The following MAGI1 variants were observed in gnomAD, a reference collection of about 807,000 sequenced individuals.
MAGI1 encodes membrane associated guanylate kinase, WW and PDZ domain containing 1.
In MAGI1, 58 loss-of-function variants were observed where a neutral mutation model predicts 139.9. That is an observed-to-expected ratio of 0.41 (90% confidence interval 0.34 to 0.52). The LOEUF (loss-of-function observed/expected upper bound fraction) is 0.52. MAGI1 is among the 20% of genes least tolerant of loss of function. The pLI is 0.12. For missense variants in MAGI1, 1,874 were observed against 1,901.6 expected (o/e 0.99, Z 0.27); for synonymous variants, 812 against 737.9 (o/e 1.10, Z -1.63).
chr3:65,429,660 C>T lies in MAGI1; in HGVS notation c.2027G>A (p.Arg676Lys), dbSNP rs1188831138. The T allele has an allele frequency of 1.2e-6, 2 of 1,613,906 alleles. No individual in the cohort carries two copies. Among genetic ancestry groups the T allele is most frequent in the Non-Finnish European group, 1.7e-6 (2 of 1,179,952 alleles). The change falls in exon 12 of 23, where the codon AGG (arginine) becomes AAG (lysine). Residue 676 changes from arginine (R) to lysine (K), a missense_variant. Arg to Lys is a conservative substitution (Grantham distance 26). This residue lies in a region of MAGI1 where 482 missense variants were observed against 509.6 expected (regional missense o/e 0.95). Coordinates refer to ENST00000402939, the MANE Select transcript of MAGI1 (RefSeq NM_001033057.2). ...QRVKQIVDSP[R>K]CRGLKEGDLI... ...ATCCCCTTCTTTCAGGCCTCGGCAC[C>T]TTGGGCTGTCAACAATCTGTTTCAC...
intron 2 of MAGI1, among the ~76,000 whole-genome samples, chr3:65,544,928 T>A (rs920417862): frequency 6.6e-6 from 1 of 152,234 alleles, no homozygotes; most frequent in Non-Finnish European, 1.5e-5. Context: ...AACAGCCACA[T>A]GCATGTTACC....
chr3:65,765,350 G>T (rs918722601), intron 1 of MAGI1, among the ~76,000 whole-genome samples: 1 of 152,166 alleles, frequency 6.6e-6, no homozygotes, highest in Non-Finnish European at 1.5e-5. Context: ...TTGAGGTAAG[G>T]CCAAGCATTT....
At chr3:65,510,423 G>GTA (rs1210814557) in intron 2 of MAGI1, among the ~76,000 whole-genome samples, 1 of 148,498 alleles carries the variant, frequency 6.7e-6, no homozygotes, top group African/African-American at 2.5e-5. Context: ...TTAGAAGAAT[G>GTA]TATAACTAGA....
chr3:65,533,323 T>A (rs2078804294), intron 2 of MAGI1, among the ~76,000 whole-genome samples: 2 of 152,178 alleles, frequency 1.3e-5, no homozygotes, highest in South Asian at 4.1e-4. Flanking sequence ...CCCAGGGGCT[T>A]CATAGTAACA....
chr3:65,405,964 G>A (rs184466092), intron 12 of MAGI1, among the ~76,000 whole-genome samples: 15 of 152,228 alleles, frequency 9.9e-5, no homozygotes, highest in Admixed American at 9.8e-4. Context: ...CTGACCTCAT[G>A]ATCCACCCAC....
chr3:65,775,258 C>A (rs2038281189), intron 1 of MAGI1, among the ~76,000 whole-genome samples: 1 of 151,128 alleles, frequency 6.6e-6, no homozygotes, highest in African/African-American at 2.4e-5. Flanking sequence ...CCAGCCTGGG[C>A]AACATGGCAA....
At chr3:65,611,885 T>G (rs1242757209) in intron 2 of MAGI1, among the ~76,000 whole-genome samples, 1 of 151,854 alleles carries the variant, frequency 6.6e-6, no homozygotes, top group East Asian at 1.9e-4. Context: ...CTCAGTTTCC[T>G]CATCAGTGAA....
At chr3:65,504,542 G>A (rs1264461523) in intron 2 of MAGI1, among the ~76,000 whole-genome samples, 1 of 152,160 alleles carries the variant, frequency 6.6e-6, no homozygotes, top group Non-Finnish European at 1.5e-5. Flanking sequence ...TGTACACAAA[G>A]AAGACATTGG....
Position 65,457,862 on chromosome 3 carries a change from C to A in MAGI1, c.960-4522G>T, listed in dbSNP as rs564894452. ...ATTACATTATTATTGACTACAGTCA[C>A]CCTGCTGTGCTATCAAATACTAAAT... On this transcript the variant is annotated intron_variant, in intron 5 of 22. Coordinates refer to ENST00000402939, the MANE Select transcript of MAGI1 (RefSeq NM_001033057.2). 3.1e-4 allele frequency among the ~76,000 whole-genome samples: 47 copies of A among 152,178 alleles called. No homozygotes were observed. In the South Asian group the frequency reaches 9.7e-3, roughly 32 times the overall value.
At chr3:65,798,253 G>A (rs1466755819) in intron 1 of MAGI1, among the ~76,000 whole-genome samples, 1 of 150,796 alleles carries the variant, frequency 6.6e-6, no homozygotes. Flanking sequence ...GCCGTGAGCC[G>A]AGATCACACC....
intron 15 of MAGI1, among the ~76,000 whole-genome samples, chr3:65,382,287 C>A (rs1291776178): frequency 6.6e-6 from 1 of 152,268 alleles, no homozygotes; most frequent in Non-Finnish European, 1.5e-5. Context: ...AGATGTTTAT[C>A]TGTGGCCTAT....
At chr3:65,925,087 T>C (rs991908204) in intron 1 of MAGI1, 6 of 152,160 alleles carry the variant, frequency 3.9e-5, no homozygotes, top group Non-Finnish European at 7.4e-5. Context: ...TGGGATACAC[T>C]GCTCCATGAC....
At chr3:65,498,213 T>C (rs541963952) in intron 2 of MAGI1, among the ~76,000 whole-genome samples, 4 of 151,874 alleles carry the variant, frequency 2.6e-5, no homozygotes, top group Admixed American at 1.3e-4. Flanking sequence ...GCCAGAAGGG[T>C]TACTTCCTGA....
intron 21 of MAGI1, among the ~76,000 whole-genome samples, chr3:65,361,978 T>C (rs1940906566): frequency 1.3e-5 from 2 of 152,232 alleles, no homozygotes; most frequent in South Asian, 4.1e-4. Flanking sequence ...GCATTCACTT[T>C]GTGTCAGCCA....
At position 65,493,523 on chromosome 3, in the gene MAGI1, C is replaced by A; in HGVS notation, c.539G>T (p.Gly180Val). Reference protein sequence around the residue: ...LEQSGTLLEVGTYEGNYYGTP... With the variant: ...LEQSGTLLEVVTYEGNYYGTP... ...TACAAGTAACTCACCTTCATAGGTG[C>A]CGACTTCCAGAAGAGTCCCACTCTG... Residue 180 changes from glycine (G) to valine (V), a missense_variant, in exon 3 of 23, where the codon GGC (glycine) becomes GTC (valine). Gly to Val is a moderately radical substitution (Grantham distance 109). Transcript: ENST00000402939. The A allele has an allele frequency of 6.2e-7, 1 of 1,614,162 alleles. No individual in the cohort carries two copies. The highest frequency in any genetic ancestry group is 8.5e-7 in the Non-Finnish European group (1 of 1,180,030).
chr3:65,979,315 G>A (rs992484573), intron 1 of MAGI1, among the ~76,000 whole-genome samples: 1 of 152,074 alleles, frequency 6.6e-6, no homozygotes, highest in Non-Finnish European at 1.5e-5. Flanking sequence ...GTAGCCTGTT[G>A]CTTAATCAAA....
chr3:65,932,810 C>T (rs1288857851), intron 1 of MAGI1, among the ~76,000 whole-genome samples: 1 of 152,178 alleles, frequency 6.6e-6, no homozygotes, highest in Non-Finnish European at 1.5e-5. Flanking sequence ...CCTTGGGTTC[C>T]ATGAGACTTT....
chr3:66,032,712 A>C (rs1402121293), intron 1 of MAGI1, among the ~76,000 whole-genome samples: 1 of 151,544 alleles, frequency 6.6e-6, no homozygotes, highest in East Asian at 2.0e-4. Flanking sequence ...GCCTGAGCTC[A>C]AGAGACCAGC....
At position 65,459,989 on chromosome 3, in the gene MAGI1, C is replaced by T. The variant is rs183837265; in HGVS notation, c.960-6649G>A. 2.3e-4 allele frequency among the ~76,000 whole-genome samples: 35 copies of T among 152,258 alleles called. 1 individual carries two copies. In the East Asian group the frequency reaches 6.6e-3, roughly 29 times the overall value. On this transcript the variant is annotated intron_variant, in intron 5 of 22. Coordinates refer to ENST00000402939, the MANE Select transcript of MAGI1 (RefSeq NM_001033057.2). The stretch of plus-strand genomic sequence containing the variant: ...CTGACATCCTTGGCTTGTTTTCACA[C>T]TTGCAGGGAAGGCATTTCATCTTTT...
Sources: gnomAD v4.1 joint callset for allele counts (sites outside exome capture counted in the v4.1 genomes callset) on GRCh38, gnomAD v4.1.1 for gene constraint, gnomAD v4.1.1 regional missense constraint, MANE v1.5 for transcripts, NCBI Gene and HGNC (gene_info 2026-07-23, HGNC 2026-07-21) for gene names.